GRM7: variants seen among roughly 807,000 people sequenced by gnomAD.
The protein encoded by GRM7 is glutamate metabotropic receptor 7.
Under a neutral mutation model 84.5 loss-of-function variants are expected in GRM7, and 35 were observed. The ratio of observed to expected loss-of-function variants is 0.41; its 90% CI spans 0.32 to 0.55. The LOEUF (loss-of-function observed/expected upper bound fraction) is 0.55. Among genes scored for constraint, GRM7 ranks in the 20% least tolerant of loss-of-function variants. The pLI, the probability that GRM7 is intolerant of heterozygous loss-of-function variation, is 0.19. For synonymous variants in GRM7, 487 were observed against 455.1 expected, an observed-to-expected ratio of 1.07 and a Z score of -0.89; for missense variants, 1,003 against 1,194.6, an observed-to-expected ratio of 0.84 and a Z score of 2.36.
At chr3:6,911,915 T>C (rs2125018394) in intron 1 of GRM7, among the ~76,000 whole-genome samples, 2 of 152,294 alleles carry the variant, frequency 1.3e-5, no homozygotes, top group Middle Eastern at 6.8e-3. Context: ...ATGATTTGCA[T>C]CGTGTCAGCC....
chr3:7,310,744 G>T (rs988412347), intron 4 of GRM7, among the ~76,000 whole-genome samples: 2 of 152,080 alleles, frequency 1.3e-5, no homozygotes, highest in Non-Finnish European at 2.9e-5. Flanking sequence ...AAATATAGTT[G>T]AGCCCAAACT....
Position 7,146,757 on chromosome 3 carries a change from C to T in GRM7, c.736+89C>T, listed in dbSNP as rs1474599539. 1.3e-5 allele frequency: 11 copies of T among 828,082 alleles called. No homozygotes were observed. In the Admixed American group the frequency reaches 2.1e-4, roughly 16 times the overall value. The allele number at this position is 828,082 out of a possible 1,614,324, so 51.3% of individuals were successfully genotyped here. On this transcript the variant is annotated intron_variant, in intron 2 of 9. Transcript: ENST00000357716. ...TTCAAACTTCATTAAATAAACACTA[C>T]AGACTCTTACATTCCCAGAGTCCTG...
chr3:7,544,247 C>T (rs966556753), intron 7 of GRM7, among the ~76,000 whole-genome samples: 4 of 152,166 alleles, frequency 2.6e-5, no homozygotes, highest in Non-Finnish European at 1.5e-5. Context: ...ACTGCAGACT[C>T]GAACTCCGGG....
rs56705200 is a variant in GRM7 at position 7,281,598 on chromosome 3, A to AT, written c.737-17077dup. On this transcript the variant is annotated intron_variant, in intron 2 of 9. Transcript: ENST00000357716. ...TACTACAGTTTTCCTAAGAAAGCAGATTTTTTTTTAAATATTCCCTTTAAA... is the reference window on the plus strand; with the variant it reads ...TACTACAGTTTTCCTAAGAAAGCAGATTTTTTTTTTAAATATTCCCTTTAAA... Among the ~76,000 whole-genome samples, 1,110 of 152,010 alleles carry AT rather than the reference A, an allele frequency of 7.3e-3. 18 individuals carry two copies. Among genetic ancestry groups the AT allele is most frequent in the African/African-American group, 0.025 (1,036 of 41,448 alleles).
intron 1 of GRM7, among the ~76,000 whole-genome samples, chr3:6,895,398 C>T (rs1696139725): frequency 6.6e-6 from 1 of 152,226 alleles, no homozygotes; most frequent in African/African-American, 2.4e-5. Flanking sequence ...TCTTAGCAAC[C>T]ACACTTGTAA....
At chr3:7,305,343 CTT>C (rs1258984449) in intron 3 of GRM7, among the ~76,000 whole-genome samples, 2 of 34,982 alleles carry the variant, frequency 5.7e-5, no homozygotes, top group Non-Finnish European at 1.0e-4. Flanking sequence ...TTTTTTTTTT[CTT>C]TTTTTTTTTT....
intron 1 of GRM7, among the ~76,000 whole-genome samples, chr3:7,032,102 T>C (rs1696210551): frequency 6.6e-6 from 1 of 152,220 alleles, no homozygotes; most frequent in African/African-American, 2.4e-5. Flanking sequence ...CTCACATAGA[T>C]GTCAGTCACT....
At chr3:7,126,990 T>C (rs6765482) in intron 1 of GRM7, among the ~76,000 whole-genome samples, 83,821 of 152,188 alleles carry the variant, frequency 0.55, 25,558 homozygotes, top group African/African-American at 0.83. Context: ...TTCTACTTTA[T>C]GGAAATTATG....
At chr3:7,157,561 C>G (rs898138025) in intron 2 of GRM7, among the ~76,000 whole-genome samples, 1 of 151,678 alleles carries the variant, frequency 6.6e-6, no homozygotes, top group Non-Finnish European at 1.5e-5. Context: ...TTAAAATACA[C>G]GTAGAGGACT....
intron 7 of GRM7, among the ~76,000 whole-genome samples, chr3:7,480,529 C>T (rs1005609188): frequency 6.6e-6 from 1 of 152,148 alleles, no homozygotes; most frequent in African/African-American, 2.4e-5. Context: ...AATATCCACC[C>T]CACCAGTGTG....
At chr3:7,697,017 A>C (rs1701047485) in intron 9 of GRM7, among the ~76,000 whole-genome samples, 1 of 152,092 alleles carries the variant, frequency 6.6e-6, no homozygotes, top group Non-Finnish European at 1.5e-5. Flanking sequence ...TCAGCATCTC[A>C]GGTGCTCATT....
chr3:7,319,186 G>A (rs1353882670), intron 4 of GRM7, among the ~76,000 whole-genome samples: 1 of 152,060 alleles, frequency 6.6e-6, no homozygotes, highest in African/African-American at 2.4e-5. Context: ...GATGGATCGT[G>A]ATAATAGAGA....
At chr3:7,545,505 A>G (rs1303197631) in intron 7 of GRM7, among the ~76,000 whole-genome samples, 1 of 152,222 alleles carries the variant, frequency 6.6e-6, no homozygotes, top group African/African-American at 2.4e-5. Flanking sequence ...TCTGTAGGCA[A>G]AAGAGAAAGC....
At chr3:7,642,384 ACT>A (rs1257213643) in intron 8 of GRM7, among the ~76,000 whole-genome samples, 1 of 152,182 alleles carries the variant, frequency 6.6e-6, no homozygotes, top group Non-Finnish European at 1.5e-5. Context: ...CATATCGTGC[ACT>A]CTCATAGACG....
chr3:7,284,513 A>G (rs772782926), intron 2 of GRM7, among the ~76,000 whole-genome samples: 4 of 152,182 alleles, frequency 2.6e-5, no homozygotes, highest in Non-Finnish European at 5.9e-5. Context: ...TTGCCTCTTT[A>G]TCGCAATGTA....
intron 2 of GRM7, among the ~76,000 whole-genome samples, chr3:7,206,505 A>G (rs1459289191): frequency 2.0e-5 from 3 of 152,240 alleles, no homozygotes; most frequent in Non-Finnish European, 4.4e-5. Context: ...CTCAGATTTA[A>G]TAAAGAAAGG....
chr3:7,724,086 GA>G (rs1702040914), intron 9 of GRM7, among the ~76,000 whole-genome samples: 1 of 152,088 alleles, frequency 6.6e-6, no homozygotes, highest in African/African-American at 2.4e-5. Context: ...GAGCTGTTGT[GA>G]GCCTGATATG....
At chr3:7,213,076 CCTCCCCCATG>C (rs1434030415) in intron 2 of GRM7, among the ~76,000 whole-genome samples, 3 of 152,182 alleles carry the variant, frequency 2.0e-5, no homozygotes, top group Admixed American at 2.0e-4. Context: ...TATGCGTTTA[CCTCCCCCATG>C]CTCTCACTGA....
At chr3:7,178,161 A>G (rs1351411073) in intron 2 of GRM7, among the ~76,000 whole-genome samples, 3 of 152,238 alleles carry the variant, frequency 2.0e-5, no homozygotes, top group South Asian at 2.1e-4. Flanking sequence ...CCAAAGTCAT[A>G]TCATGGCTTC....
Sources: gnomAD v4.1 joint callset for allele counts (sites outside exome capture counted in the v4.1 genomes callset) on GRCh38, gnomAD v4.1.1 for gene constraint, MANE v1.5 for transcripts, NCBI Gene and HGNC (gene_info 2026-07-23, HGNC 2026-07-21) for gene names.